PLD5: variants seen among roughly 807,000 people sequenced by gnomAD.
The protein encoded by PLD5 is phospholipase D family member 5.
A neutral mutation model predicts 61.1 loss-of-function variants in PLD5; 36 were observed. The ratio of observed to expected loss-of-function variants is 0.59; its 90% CI spans 0.45 to 0.78. The LOEUF (loss-of-function observed/expected upper bound fraction) is 0.78. Among genes scored for constraint, PLD5 ranks in the 30% least tolerant of loss-of-function variants. The probability of loss-of-function intolerance (pLI) is 0.00; values close to 1 mark genes in which losing one functional copy is unlikely to be tolerated. For synonymous variants in PLD5, 243 were observed against 242.8 expected, an observed-to-expected ratio of 1.00 and a Z score of -0.01; for missense variants, 515 against 644.4, an observed-to-expected ratio of 0.80 and a Z score of 2.17.
intron 1 of PLD5, among the ~76,000 whole-genome samples, chr1:242,490,195 T>A (rs959136665): frequency 6.6e-6 from 1 of 152,178 alleles, no homozygotes; most frequent in Admixed American, 6.5e-5. Flanking sequence ...CCAGAAGCAG[T>A]CTCTGTTAGG....
intron 1 of PLD5, among the ~76,000 whole-genome samples, chr1:242,481,045 T>C (rs1667755431): frequency 6.6e-6 from 1 of 152,040 alleles, no homozygotes; most frequent in South Asian, 2.1e-4. Context: ...TATGAGAAAT[T>C]AAAACATATG....
chr1:242,184,779 G>C (rs1426286073), intron 5 of PLD5, among the ~76,000 whole-genome samples: 1 of 152,086 alleles, frequency 6.6e-6, no homozygotes, highest in African/African-American at 2.4e-5. Flanking sequence ...AGAAAAGCAA[G>C]AGTATCAGAA....
chr1:242,468,388 G>A (rs777822785), intron 1 of PLD5, among the ~76,000 whole-genome samples: 6 of 152,146 alleles, frequency 3.9e-5, no homozygotes, highest in Non-Finnish European at 8.8e-5. Flanking sequence ...TGCAAAGTGA[G>A]ATAAGCTTGT....
chr1:242,427,240 G>A (rs1665479640), intron 1 of PLD5, among the ~76,000 whole-genome samples: 1 of 152,024 alleles, frequency 6.6e-6, no homozygotes, highest in Non-Finnish European at 1.5e-5. Flanking sequence ...ATTCATTTGG[G>A]GGATCAAAAG....
At chr1:242,424,774 A>C (rs1396532819) in intron 1 of PLD5, among the ~76,000 whole-genome samples, 1 of 152,148 alleles carries the variant, frequency 6.6e-6, no homozygotes, top group African/African-American at 2.4e-5. Flanking sequence ...GCTCCTTTCT[A>C]TTCCCACTTC....
intron 3 of PLD5, among the ~76,000 whole-genome samples, chr1:242,268,811 C>A (rs1216900171): frequency 6.6e-6 from 1 of 152,038 alleles, no homozygotes; most frequent in East Asian, 1.9e-4. Context: ...AGTAAGGCCT[C>A]CTAATGCTTT....
At chr1:242,412,683 A>G (rs1331107458) in intron 1 of PLD5, among the ~76,000 whole-genome samples, 1 of 152,162 alleles carries the variant, frequency 6.6e-6, no homozygotes, top group Non-Finnish European at 1.5e-5. Flanking sequence ...GGATGACTCC[A>G]TGGTATGGAT....
chr1:242,427,177 C>G (rs1162068018), intron 1 of PLD5, among the ~76,000 whole-genome samples: 2 of 152,140 alleles, frequency 1.3e-5, no homozygotes, highest in African/African-American at 2.4e-5. Context: ...CTAGAATTAC[C>G]TTGATCAACA....
chr1:242,271,227 G>C (rs1408496215), intron 3 of PLD5, among the ~76,000 whole-genome samples: 8 of 144,952 alleles, frequency 5.5e-5, no homozygotes, highest in African/African-American at 1.1e-4. Flanking sequence ...GAGAGAGAGA[G>C]AGAGAGAGAG....
chr1:242,322,833 T>C (rs956917330), intron 2 of PLD5, among the ~76,000 whole-genome samples: 3 of 152,228 alleles, frequency 2.0e-5, no homozygotes, highest in Non-Finnish European at 1.5e-5. Flanking sequence ...TAAACTTCTT[T>C]TCTTTATAAA....
intron 5 of PLD5, among the ~76,000 whole-genome samples, chr1:242,192,772 G>C (rs533590325): frequency 3.9e-5 from 6 of 151,918 alleles, no homozygotes; most frequent in South Asian, 2.1e-4. Context: ...GTGGGATGCA[G>C]ACCACACAAT....
In PLD5 at chr1:242,090,122, CA is replaced by C; in HGVS notation, c.1355-13del. On this transcript the variant is annotated splice_polypyrimidine_tract_variant and intron_variant, in intron 9 of 9. Transcript: ENST00000536534. The stretch of plus-strand genomic sequence containing the variant: ...CCAATCAAAATTTCCTGCAAACAAA[CA>C]AAGAAATAATGTTGAGGAGTTAGAG... 6.2e-7 allele frequency: 1 copy of C among 1,612,644 alleles called. No individual in the cohort carries two copies. Among genetic ancestry groups the C allele is most frequent in the Non-Finnish European group, 8.5e-7 (1 of 1,179,386 alleles).
intron 4 of PLD5, among the ~76,000 whole-genome samples, chr1:242,239,296 G>A (rs1352207134): frequency 6.6e-6 from 1 of 151,202 alleles, no homozygotes; most frequent in African/African-American, 2.4e-5. Flanking sequence ...AAGAAACACA[G>A]TCCTTGTTGG....
chr1:242,325,166 C>T (rs1658668889), intron 2 of PLD5, among the ~76,000 whole-genome samples: 1 of 152,030 alleles, frequency 6.6e-6, no homozygotes, highest in Non-Finnish European at 1.5e-5. Flanking sequence ...GGCTAGAAAA[C>T]ATCCTACACC....
chr1:242,246,478 AACACACACACACAC>A (rs34723926), intron 4 of PLD5, among the ~76,000 whole-genome samples: 3 of 141,104 alleles, frequency 2.1e-5, no homozygotes, highest in Non-Finnish European at 3.1e-5. Flanking sequence ...TAGAAAAGAC[AACACACACACACAC>A]ACACACACAC....
At chr1:242,321,947 G>A (rs1658442937) in intron 2 of PLD5, among the ~76,000 whole-genome samples, 1 of 152,114 alleles carries the variant, frequency 6.6e-6, no homozygotes, top group African/African-American at 2.4e-5. Context: ...ATAGTTAAGA[G>A]GCAAAAAGAA....
intron 1 of PLD5, among the ~76,000 whole-genome samples, chr1:242,381,208 T>C (rs113860585): frequency 0.1 from 15,907 of 152,220 alleles, 1,065 homozygotes; most frequent in East Asian, 0.19. Flanking sequence ...CCATGGAATA[T>C]TATGCAGTCA....
chr1:242,163,620 T>C (rs1666064475), intron 5 of PLD5, among the ~76,000 whole-genome samples: 1 of 152,168 alleles, frequency 6.6e-6, no homozygotes, highest in Non-Finnish European at 1.5e-5. Context: ...AATAGGACAA[T>C]GATGTCACTG....
At chr1:242,117,374 TCTC>T (rs1258741435) in intron 6 of PLD5, among the ~76,000 whole-genome samples, 3 of 125,456 alleles carry the variant, frequency 2.4e-5, no homozygotes, top group South Asian at 5.8e-4. Flanking sequence ...TCAAATGTGA[TCTC>T]CTCCATGAAT....
Sources: allele counts gnomAD v4.1 joint callset (sites outside exome capture counted in the v4.1 genomes callset), GRCh38; gene constraint gnomAD v4.1.1; transcripts MANE v1.5; gene names NCBI Gene and HGNC (gene_info 2026-07-23, HGNC 2026-07-21).